Variants in SMG7 observed in about 807,000 individuals in gnomAD.
SMG7 encodes the protein nonsense-mediated mRNA decay factor SMG7.
Under a neutral mutation model 148.2 loss-of-function variants are expected in SMG7, and 34 were observed. The observed-to-expected ratio is 0.23, with a 90% CI of 0.17 to 0.31. SMG7 has a LOEUF of 0.31. SMG7 is among the 10% of genes least tolerant of loss of function. The pLI, the probability that SMG7 is intolerant of heterozygous loss-of-function variation, is 1.00. For missense variants in SMG7, 1,114 were observed against 1,408.4 expected (o/e 0.79, Z 3.35); for synonymous variants, 492 against 515.1 (o/e 0.96, Z 0.61).
At chr1:183,495,314 T>A (rs1658218011) in intron 1 of SMG7, among the ~76,000 whole-genome samples, 2 of 152,202 alleles carry the variant, frequency 1.3e-5, no homozygotes, top group Non-Finnish European at 2.9e-5. Context: ...GCCATTGAAG[T>A]CTGTATGTTC....
chr1:183,553,152 A>G lies in SMG7; in HGVS notation c.*1221A>G. 1 of 1,536,538 alleles carries G rather than the reference A, an allele frequency of 6.5e-7. No homozygotes were observed. Among genetic ancestry groups the G allele is most frequent in the East Asian group, 2.4e-5 (1 of 40,924 alleles). On this transcript the variant is annotated 3_prime_UTR_variant, in exon 23 of 23. Transcript: ENST00000688051. ...CGGACATGTGCCCATCAGGCACAGAAGAAAACACGACGTCGTCCATTTTGG... is the reference window on the plus strand; with the variant it reads ...CGGACATGTGCCCATCAGGCACAGAGGAAAACACGACGTCGTCCATTTTGG...
Position 183,550,829 on chromosome 1 carries a change from A to G in SMG7, c.3212A>G (p.His1071Arg), listed in dbSNP as rs760259431. The G allele has an allele frequency of 3.7e-6, 6 of 1,614,018 alleles. No individual in the cohort carries two copies. Among genetic ancestry groups the G allele is most frequent in the Middle Eastern group, 1.6e-4 (1 of 6,082 alleles). The change falls in exon 21 of 23, where the codon CAT becomes CGT. Residue 1071 changes from histidine (H) to arginine (R), a missense_variant. By Grantham distance (29) the His-to-Arg change is conservative (BLOSUM62 0). Transcript: ENST00000688051. ...CCCAGCTCTCCTCCAACACACAACC[A>G]TAATTCTGTTCCATTCTCCAATTTT... is the stretch of plus-strand genomic sequence containing the variant. Reference protein sequence around the residue: ...SLPSSPPTHNHNSVPFSNFGP... With the variant: ...SLPSSPPTHNRNSVPFSNFGP...
intron 1 of SMG7, among the ~76,000 whole-genome samples, chr1:183,499,907 C>T (rs1659369008): frequency 6.6e-6 from 1 of 152,038 alleles, no homozygotes; most frequent in Non-Finnish European, 1.5e-5. Flanking sequence ...CATCTGATTA[C>T]TTTGTTATGT....
At chr1:183,497,730 C>T (rs577008708) in intron 1 of SMG7, among the ~76,000 whole-genome samples, 29 of 152,036 alleles carry the variant, frequency 1.9e-4, no homozygotes, top group African/African-American at 6.0e-4. Context: ...CCACCGTGCC[C>T]GGCTAATTTT....
chr1:183,493,863 A>T (rs1314575455), intron 1 of SMG7, among the ~76,000 whole-genome samples: 1 of 152,150 alleles, frequency 6.6e-6, no homozygotes, highest in Non-Finnish European at 1.5e-5. Flanking sequence ...TACAGGCGTG[A>T]GTCATAGCAC....
intron 8 of SMG7, among the ~76,000 whole-genome samples, chr1:183,532,728 A>G (rs1667084675): frequency 6.6e-6 from 1 of 152,140 alleles, no homozygotes; most frequent in African/African-American, 2.4e-5. Flanking sequence ...GTCATGCTTT[A>G]TGTACTGGGA....
At position 183,527,910 on chromosome 1, in the gene SMG7, A is replaced by C; in HGVS notation, c.485-46A>C. On this transcript the variant is annotated intron_variant, in intron 5 of 22. Coordinates refer to ENST00000688051, the MANE Select transcript of SMG7 (RefSeq NM_001375584.1). This position sits in a 1 kb window ranked among gnomAD's most constrained non-coding sequence, Gnocchi z 4.0. ...ATAGCTGTTTTGGAAATACTACCCTACTGTTTGTTTTTTGGGTTTTTTAAA... is the reference window on the plus strand; with the variant it reads ...ATAGCTGTTTTGGAAATACTACCCTCCTGTTTGTTTTTTGGGTTTTTTAAA... The C allele has an allele frequency of 7.4e-7, 1 of 1,353,780 alleles. No individual in the cohort carries two copies. The highest frequency in any genetic ancestry group is 1.2e-5 in the South Asian group (1 of 84,904). The allele number at this position is 1,353,780 out of a possible 1,614,324, so 83.9% of individuals were successfully genotyped here.
At chr1:183,503,528 T>TTTTC (rs1660214216) in intron 1 of SMG7, among the ~76,000 whole-genome samples, 1 of 152,218 alleles carries the variant, frequency 6.6e-6, no homozygotes, top group African/African-American at 2.4e-5. Flanking sequence ...TCTAAACTGT[T>TTTTC]TTTCTTTTGT....
Position 183,507,384 on chromosome 1 carries a change from A to AT in SMG7, c.30-5444dup, listed in dbSNP as rs941051809. ...TGGGTTGTTACTATCAAACATTTCA[A>AT]TTTTTTTTTCTTATACTCTTGTGTA... On this transcript the variant is annotated intron_variant, in intron 1 of 22. Coordinates refer to ENST00000688051, the MANE Select transcript of SMG7 (RefSeq NM_001375584.1). Among the ~76,000 whole-genome samples the AT allele has an allele frequency of 4.0e-5, 6 of 151,658 alleles. No homozygotes were observed. In the South Asian group the frequency reaches 1.0e-3, roughly 26 times the overall value.
chr1:183,491,467 T>G lies in SMG7; in HGVS notation c.29+18818T>G. ...TTTCTCTTGGTTTGCATGTATGTAT[T>G]TTGGGATATAAATGTGTGCATGTGC... On this transcript the variant is annotated intron_variant, in intron 1 of 22. Coordinates refer to ENST00000688051, the MANE Select transcript of SMG7 (RefSeq NM_001375584.1). 1.3e-5 allele frequency among the ~76,000 whole-genome samples: 2 copies of G among 152,194 alleles called. 1 individual carries two copies. Among genetic ancestry groups the G allele is most frequent in the Admixed American group, 1.3e-4 (2 of 15,282 alleles).
chr1:183,487,961 A>G (rs1217978007), intron 1 of SMG7, among the ~76,000 whole-genome samples: 1 of 152,244 alleles, frequency 6.6e-6, no homozygotes, highest in Non-Finnish European at 1.5e-5. Flanking sequence ...TCGTTTGACA[A>G]ACTGTACCAG....
Position 183,512,828 on chromosome 1 carries a change from T to G in SMG7, c.30-9T>G, listed in dbSNP as rs1416593561. 1.3e-6 allele frequency: 2 copies of G among 1,571,386 alleles called. No homozygotes were observed. The highest frequency in any genetic ancestry group is 4.6e-5 in the East Asian group (2 of 43,922). On this transcript the variant is annotated splice_polypyrimidine_tract_variant and intron_variant, in intron 1 of 22. Coordinates refer to ENST00000688051, the MANE Select transcript of SMG7 (RefSeq NM_001375584.1). ...ATACTCTTTTTTTTTTTTTTTTTTT[T>G]CTATCTAGGCAGGCAGAAGTCCTGA...
At position 183,551,805 on chromosome 1, in the gene SMG7, G is replaced by T. The variant is rs1671112010; in HGVS notation, c.3451-13G>T. 2.5e-6 allele frequency: 4 copies of T among 1,588,296 alleles called. No individual in the cohort carries two copies. The highest frequency in any genetic ancestry group is 1.7e-6 in the Non-Finnish European group (2 of 1,162,568). ...ATTTGACCTCTGCTGACAAGATCTG[G>T]ACTGTTTTTCAGTCTATCTGGTCCA... On this transcript the variant is annotated splice_polypyrimidine_tract_variant and intron_variant, in intron 22 of 22. Transcript: ENST00000688051.
intron 1 of SMG7, among the ~76,000 whole-genome samples, chr1:183,477,398 TTGTGTGTG>T (rs143157038): frequency 1.5e-5 from 2 of 133,042 alleles, no homozygotes; most frequent in Admixed American, 7.7e-5. Context: ...CTGTTTTGTT[TTGTGTGTG>T]TGTGTGTGTG....
intron 1 of SMG7, among the ~76,000 whole-genome samples, chr1:183,477,551 C>CAT (rs149184153): frequency 0.066 from 3,278 of 49,796 alleles, 7 homozygotes; most frequent in East Asian, 0.17. Flanking sequence ...TGCATATATA[C>CAT]GTGTGTGCAT....
intron 10 of SMG7, among the ~76,000 whole-genome samples, chr1:183,535,728 T>C (rs1317163655): frequency 6.6e-6 from 1 of 152,192 alleles, no homozygotes; most frequent in Admixed American, 6.5e-5. Flanking sequence ...GAATAGTGAT[T>C]TTCCTTTGTA....
At chr1:183,549,428 G>A (rs905497608) in intron 19 of SMG7, 140 bp downstream of exon 19, 1 of 666,760 alleles carries the variant, frequency 1.5e-6, no homozygotes, top group African/African-American at 1.8e-5. Context: ...TATCCCCCTT[G>A]TCTCTGATTG....
In SMG7 at chr1:183,545,107, G is replaced by A. The variant is rs1210419925; in HGVS notation, c.2165G>A (p.Arg722Gln). The A allele has an allele frequency of 9.3e-6, 15 of 1,613,904 alleles. No homozygotes were observed. The highest frequency in any genetic ancestry group is 4.5e-5 in the East Asian group (2 of 44,884). ...TCCCACATTCCTTACAGCCAGCAAC[G>A]GCCCTCTGGACCAGGGCCAATGAAC... ...KQSHIPYSQQ[R>Q]PSGPGPMNQG... The change falls in exon 16 of 23, where the codon CGG (arginine) becomes CAG (glutamine). Residue 722 changes from arginine to glutamine, a missense_variant. Arg to Gln is a conservative substitution (Grantham distance 43, BLOSUM62 1). Coordinates refer to ENST00000688051, the MANE Select transcript of SMG7 (RefSeq NM_001375584.1).
intron 1 of SMG7, among the ~76,000 whole-genome samples, chr1:183,507,937 C>T (rs1320759901): frequency 6.6e-6 from 1 of 151,894 alleles, no homozygotes; most frequent in East Asian, 1.9e-4. Context: ...ATAACTAAGA[C>T]AATATATTTC....
Sources: allele counts gnomAD v4.1 joint callset (sites outside exome capture counted in the v4.1 genomes callset), GRCh38; gene constraint gnomAD v4.1.1; non-coding constraint Gnocchi (gnomAD v3.1); transcripts MANE v1.5; gene names NCBI Gene and HGNC (gene_info 2026-07-23, HGNC 2026-07-21).